The following PKIB variants were observed in gnomAD, a reference collection of about 807,000 sequenced individuals.
PKIB encodes the protein cAMP-dependent protein kinase inhibitor beta.
In PKIB, 2 loss-of-function variants were observed where a neutral mutation model predicts 4.5. The observed-to-expected ratio is 0.44, with a 90% CI of 0.18 to 1.39. The LOEUF is 1.39. PKIB is among the 40% of genes most tolerant of loss of function. PKIB has a pLI of 0.27. For synonymous variants in PKIB, 38 were observed against 36.0 expected (o/e 1.06, Z -0.20); for missense variants, 94 against 92.6 (o/e 1.02, Z -0.06).
At chr6:122,610,036 C>T (rs1329605967), upstream of PKIB, among the ~76,000 whole-genome samples, 1 of 152,132 alleles carries the variant, frequency 6.6e-6, no homozygotes, top group African/African-American at 2.4e-5. Context: ...ACAGAAAACA[C>T]GATGCGACGT....
At chr6:122,524,633 G>T (rs1353293973) in intron 2 of PKIB, among the ~76,000 whole-genome samples, 2 of 152,086 alleles carry the variant, frequency 1.3e-5, no homozygotes, top group Middle Eastern at 3.4e-3. Context: ...GGAGGTTTTT[G>T]ATTACTGATT....
chr6:122,606,348 G>C (rs552152824), upstream of PKIB, among the ~76,000 whole-genome samples: 6 of 152,124 alleles, frequency 3.9e-5, no homozygotes, highest in Non-Finnish European at 8.8e-5. Context: ...TGAGGCAGGC[G>C]GATCACCTGA....
rs1073854 is a variant in PKIB, at chr6:122,648,299, G to C, written c.-76+14932G>C. On this transcript the variant is annotated intron_variant, in intron 2 of 4. Transcript: ENST00000368452. ...GGTGGATTGCTAAGTGTAATAATTA[G>C]TGATGCCACTCTCATTTTCACCCCT... 2.4e-3 allele frequency among the ~76,000 whole-genome samples: 366 copies of C among 152,328 alleles called. 2 individuals carry two copies. The highest frequency in any genetic ancestry group is 5.5e-3 in the Admixed American group (84 of 15,304).
chr6:122,724,643 G>A (rs1007238993), intron 4 of PKIB, among the ~76,000 whole-genome samples: 2 of 151,912 alleles, frequency 1.3e-5, no homozygotes, highest in Admixed American at 6.6e-5. Flanking sequence ...ACTCCTGTCT[G>A]ATAACTTTGA....
rs188612924 is a variant in PKIB at position 122,664,939 on chromosome 6, G to T, written c.-75-10139G>T. ...TAATACATTTTAAAATTCAAATTTG[G>T]ACTTTAGTGACATCAACAGTGTTTA... On this transcript the variant is annotated intron_variant, in intron 2 of 4. Coordinates refer to ENST00000368452, the MANE Select transcript of PKIB (RefSeq NM_181795.3). Among the ~76,000 whole-genome samples, 10 of 152,198 alleles carry T rather than the reference G, an allele frequency of 6.6e-5. No individual in the cohort carries two copies. In the East Asian group the frequency reaches 1.7e-3, roughly 26 times the overall value.
chr6:122,602,944 A>G (rs970769952), intron 3 of PKIB, among the ~76,000 whole-genome samples: 2 of 141,698 alleles, frequency 1.4e-5, no homozygotes, highest in East Asian at 4.2e-4. Flanking sequence ...TGACAGGGCA[A>G]GACTGCGTCT....
At chr6:122,724,932 G>A (rs181887324) in intron 4 of PKIB, among the ~76,000 whole-genome samples, 196 bp from the exon 5 acceptor site, 18 of 152,196 alleles carry the variant, frequency 1.2e-4, no homozygotes, top group East Asian at 1.9e-4. Context: ...TCATAACTCT[G>A]TAGAATAGGA....
intron 2 of PKIB, among the ~76,000 whole-genome samples, chr6:122,656,340 C>A (rs1776775324): frequency 6.6e-6 from 1 of 152,052 alleles, no homozygotes; most frequent in South Asian, 2.1e-4. Context: ...AAACTGCACA[C>A]TAAGACTTTA....
chr6:122,671,907 GA>G (rs1224875415), intron 2 of PKIB, among the ~76,000 whole-genome samples: 1 of 151,946 alleles, frequency 6.6e-6, no homozygotes, highest in African/African-American at 2.4e-5. Flanking sequence ...ATATTTGGAA[GA>G]AAAAATAAGT....
At chr6:122,633,806 T>C (rs1775791690) in intron 2 of PKIB, among the ~76,000 whole-genome samples, 1 of 152,232 alleles carries the variant, frequency 6.6e-6, no homozygotes, top group African/African-American at 2.4e-5. Flanking sequence ...ACCATAGTAA[T>C]AGAATTATAA....
At chr6:122,574,505 A>T (rs1377642650) in intron 2 of PKIB, among the ~76,000 whole-genome samples, 1 of 152,220 alleles carries the variant, frequency 6.6e-6, no homozygotes, top group East Asian at 1.9e-4. Context: ...ACCCAACTTT[A>T]AATTATACTA....
chr6:122,597,881 C>T (rs1341344618), intron 3 of PKIB, among the ~76,000 whole-genome samples: 1 of 152,132 alleles, frequency 6.6e-6, no homozygotes, highest in East Asian at 1.9e-4. Context: ...GCTAAAACTC[C>T]ATTAATTACC....
At chr6:122,534,656 AAATATATAATAT>A (rs1476571073) in intron 2 of PKIB, among the ~76,000 whole-genome samples, 5 of 152,026 alleles carry the variant, frequency 3.3e-5, no homozygotes, top group Admixed American at 3.3e-4. Context: ...TTCATTGGAA[AAATATATAATAT>A]AATATATAAA....
intron 2 of PKIB, among the ~76,000 whole-genome samples, chr6:122,653,684 G>A (rs978717662): frequency 6.6e-6 from 1 of 151,688 alleles, no homozygotes; most frequent in African/African-American, 2.4e-5. Context: ...TTCCTGGCCA[G>A]GCGCAGTGGC....
chr6:122,563,819 G>A (rs1021329334), intron 2 of PKIB, among the ~76,000 whole-genome samples: 3 of 152,040 alleles, frequency 2.0e-5, no homozygotes. Flanking sequence ...TGTTCCCCGC[G>A]ACAACAGCCC....
intron 2 of PKIB, among the ~76,000 whole-genome samples, chr6:122,529,357 T>C (rs1235401254): frequency 6.6e-6 from 1 of 152,204 alleles, no homozygotes; most frequent in East Asian, 1.9e-4. Context: ...TCCCCTACTT[T>C]ATGTTGTTGA....
chr6:122,706,903 G>A (rs536709761), intron 3 of PKIB, among the ~76,000 whole-genome samples: 3 of 151,854 alleles, frequency 2.0e-5, no homozygotes, highest in South Asian at 2.1e-4. Context: ...ATGTTTTTCT[G>A]TGAATGTATT....
chr6:122,542,238 C>A (rs1345787072), intron 2 of PKIB, among the ~76,000 whole-genome samples: 1 of 152,028 alleles, frequency 6.6e-6, no homozygotes, highest in Non-Finnish European at 1.5e-5. Context: ...AGCTGCGTTC[C>A]TTTGGAGGAG....
At chr6:122,496,981 G>A (rs1294951772) in intron 2 of PKIB, among the ~76,000 whole-genome samples, 1 of 152,172 alleles carries the variant, frequency 6.6e-6, no homozygotes, top group Non-Finnish European at 1.5e-5. Context: ...TAGAGAAAAA[G>A]GTTAGATTAC....
Sources: gnomAD v4.1 joint callset for allele counts (sites outside exome capture counted in the v4.1 genomes callset) on GRCh38, gnomAD v4.1.1 for gene constraint, MANE v1.5 for transcripts, NCBI Gene and HGNC (gene_info 2026-07-23, HGNC 2026-07-21) for gene names.